Variants in NRG1 observed in about 807,000 individuals in gnomAD.
The protein encoded by NRG1 is neuregulin 1, also known as pro-neuregulin-1, membrane-bound isoform.
Under a neutral mutation model 63.8 loss-of-function variants are expected in NRG1, and 18 were observed. That is an observed-to-expected ratio of 0.28 (90% confidence interval 0.19 to 0.42). The LOEUF is 0.42. Ranked by LOEUF, NRG1 falls within the 10% of genes least tolerant of loss-of-function variation. The pLI is 1.00. For missense variants in NRG1, 762 were observed against 814.7 expected (o/e 0.94, Z 0.79); for synonymous variants, 302 against 301.3 (o/e 1.00, Z -0.02).
chr8:31,734,933 A>G (rs1290837272), intron 1 of NRG1, among the ~76,000 whole-genome samples: 1 of 152,134 alleles, frequency 6.6e-6, no homozygotes, highest in Non-Finnish European at 1.5e-5. Flanking sequence ...GGGTCCCATG[A>G]AAGATTAGGT....
At position 32,660,608 on chromosome 8, in the gene NRG1, T is replaced by C. The variant is rs143087074; in HGVS notation, c.502+43723T>C. The stretch of plus-strand genomic sequence containing the variant: ...TTTTATTTCATGATAGTATGGTGAT[T>C]AAGAGCACACACTTTGGAACCAGAT... On this transcript the variant is annotated intron_variant, in intron 5 of 11. Coordinates refer to ENST00000356819, the Ensembl canonical transcript of NRG1. 8.3e-3 allele frequency among the ~76,000 whole-genome samples: 1,264 copies of C among 152,268 alleles called. 7 individuals are homozygous for C. Among genetic ancestry groups the C allele is most frequent in the Middle Eastern group, 0.024 (7 of 294 alleles).
chr8:32,398,868 C>T (rs11774962), intron 1 of NRG1, among the ~76,000 whole-genome samples: 75,101 of 151,984 alleles, frequency 0.49, 19,087 homozygotes, highest in African/African-American at 0.54. Flanking sequence ...TGATATATCC[C>T]TTCTGCAGTT....
chr8:32,624,450 T>C (rs1406873334), intron 5 of NRG1, among the ~76,000 whole-genome samples: 1 of 152,080 alleles, frequency 6.6e-6, no homozygotes. Flanking sequence ...AACACAATCA[T>C]TGACAACTGA....
chr8:31,877,827 C>A (rs984548346), intron 1 of NRG1, among the ~76,000 whole-genome samples: 1 of 152,122 alleles, frequency 6.6e-6, no homozygotes, highest in African/African-American at 2.4e-5. Flanking sequence ...GACAATCTTT[C>A]TCAAAAGGAA....
chr8:31,950,617 T>C (rs758552280), intron 1 of NRG1, among the ~76,000 whole-genome samples: 15 of 152,226 alleles, frequency 9.9e-5, no homozygotes, highest in Admixed American at 7.2e-4. Context: ...TCTCTAATAT[T>C]CTGTATTGTT....
intron 1 of NRG1, among the ~76,000 whole-genome samples, chr8:32,330,142 T>C (rs1802478435): frequency 1.4e-5 from 2 of 142,384 alleles, no homozygotes; most frequent in Non-Finnish European, 3.0e-5. Context: ...TAAGTGATCC[T>C]CCTGCCTTAC....
chr8:31,717,137 T>C (rs1812425384), intron 1 of NRG1, among the ~76,000 whole-genome samples: 1 of 152,176 alleles, frequency 6.6e-6, no homozygotes, highest in Non-Finnish European at 1.5e-5. Flanking sequence ...CCGGGTGCAG[T>C]GGCTTACGCC....
Position 32,651,501 on chromosome 8 carries a change from A to G in NRG1, c.502+34616A>G, listed in dbSNP as rs1855115979. On this transcript the variant is annotated intron_variant, in intron 5 of 11. Coordinates refer to ENST00000356819, the Ensembl canonical transcript of NRG1. ...TGCAAACTTAGATTATCATAAAAAGAGCTGATTAATTAAATTATAGCCAGG... is the reference window on the plus strand; with the variant it reads ...TGCAAACTTAGATTATCATAAAAAGGGCTGATTAATTAAATTATAGCCAGG... 2.0e-5 allele frequency among the ~76,000 whole-genome samples: 3 copies of G among 152,150 alleles called. 1 individual carries two copies. The highest frequency in any genetic ancestry group is 2.0e-4 in the Admixed American group (3 of 15,282).
intron 1 of NRG1, among the ~76,000 whole-genome samples, chr8:31,983,461 C>A (rs1809513519): frequency 6.6e-6 from 1 of 151,980 alleles, no homozygotes; most frequent in Non-Finnish European, 1.5e-5. Flanking sequence ...CTCACTGCAG[C>A]CTCAACCTCC....
intron 5 of NRG1, among the ~76,000 whole-genome samples, chr8:32,692,036 C>A (rs940803118): frequency 6.6e-6 from 1 of 152,176 alleles, no homozygotes; most frequent in African/African-American, 2.4e-5. Flanking sequence ...CCTTTAAGGT[C>A]TATTTCTTAT....
intron 1 of NRG1, among the ~76,000 whole-genome samples, chr8:32,123,173 G>A (rs1271055215): frequency 2.0e-5 from 3 of 151,880 alleles, no homozygotes; most frequent in Non-Finnish European, 4.4e-5. Context: ...TTCACCATGT[G>A]TCCTTGTATA....
chr8:32,629,109 C>T (rs1179244877), intron 5 of NRG1, among the ~76,000 whole-genome samples: 1 of 152,114 alleles, frequency 6.6e-6, no homozygotes, highest in Non-Finnish European at 1.5e-5. Flanking sequence ...TCTTCTCCTT[C>T]CTTTTTATTT....
chr8:32,031,037 CAAG>C (rs1818184243), intron 1 of NRG1, among the ~76,000 whole-genome samples: 1 of 152,194 alleles, frequency 6.6e-6, no homozygotes, highest in South Asian at 2.1e-4. Flanking sequence ...CTAAAGGCTA[CAAG>C]AAGAACTGCT....
chr8:32,447,223 C>T (rs1046022730), intron 1 of NRG1, among the ~76,000 whole-genome samples: 11 of 151,760 alleles, frequency 7.2e-5, no homozygotes, highest in Non-Finnish European at 1.3e-4. Context: ...CGGGGTTTCA[C>T]TATGTTGGCC....
intron 5 of NRG1, chr8:32,722,155 C>A: frequency 1.2e-6 from 1 of 854,558 alleles, no homozygotes; most frequent in Non-Finnish European, 1.8e-6. Context: ...GTTTAATTTT[C>A]TGTAAGTAAC....
At chr8:32,335,159 C>T (rs551196943) in intron 1 of NRG1, among the ~76,000 whole-genome samples, 6 of 152,094 alleles carry the variant, frequency 3.9e-5, no homozygotes, top group African/African-American at 9.6e-5. Flanking sequence ...GGAAATGCTC[C>T]GTAGATACCT....
At chr8:31,759,819 A>G (rs187740097) in intron 1 of NRG1, among the ~76,000 whole-genome samples, 2 of 152,244 alleles carry the variant, frequency 1.3e-5, no homozygotes, top group African/African-American at 4.8e-5. Flanking sequence ...TGTTTACAAC[A>G]TTTAGTTTTG....
At chr8:32,632,406 G>A (rs1283779058) in intron 5 of NRG1, among the ~76,000 whole-genome samples, 3 of 152,122 alleles carry the variant, frequency 2.0e-5, no homozygotes, top group Admixed American at 6.5e-5. Context: ...AAAATTAGCC[G>A]GGCGTGGTGG....
chr8:31,694,350 T>C (rs1298222335), intron 1 of NRG1, among the ~76,000 whole-genome samples: 2 of 152,212 alleles, frequency 1.3e-5, no homozygotes, highest in Non-Finnish European at 2.9e-5. Flanking sequence ...CCCTTCTCTG[T>C]GTCTAGAGAA....
Sources: gnomAD v4.1 joint callset for allele counts (sites outside exome capture counted in the v4.1 genomes callset) on GRCh38, gnomAD v4.1.1 for gene constraint, MANE v1.5 for transcripts, NCBI Gene and HGNC (gene_info 2026-07-23, HGNC 2026-07-21) for gene names.